Variants in GLRB observed in about 807,000 individuals in gnomAD.
The protein encoded by GLRB is glycine receptor beta, also known as glycine receptor subunit beta.
A neutral mutation model predicts 54.2 loss-of-function variants in GLRB; 33 were observed. That is an observed-to-expected ratio of 0.61 (90% CI 0.46 to 0.81). GLRB has a LOEUF of 0.81. Among genes scored for constraint, GLRB ranks in the 40% least tolerant of loss-of-function variants. GLRB has a pLI of 0.00. For missense variants in GLRB, 572 were observed against 584.6 expected (o/e 0.98, Z 0.22); for synonymous variants, 209 against 208.2 (o/e 1.00, Z -0.03).
chr4:157,086,239 T>TCC (rs1734409090), intron 2 of GLRB, among the ~76,000 whole-genome samples: 3 of 152,236 alleles, frequency 2.0e-5, no homozygotes, highest in Admixed American at 1.3e-4. Flanking sequence ...GCTTAATATA[T>TCC]CTAGGCTTTA....
At chr4:157,095,391 A>G (rs1734771987) in intron 2 of GLRB, among the ~76,000 whole-genome samples, 1 of 152,068 alleles carries the variant, frequency 6.6e-6, no homozygotes, top group South Asian at 2.1e-4. Flanking sequence ...GGAAAACAAG[A>G]GTTTAGTTCT....
intron 2 of GLRB, among the ~76,000 whole-genome samples, chr4:157,110,847 T>G (rs1018099085): frequency 6.6e-6 from 1 of 152,128 alleles, no homozygotes; most frequent in African/African-American, 2.4e-5. Flanking sequence ...CTGCCTTTTT[T>G]AAAGTGGCTC....
At chr4:157,106,494 G>A (rs1380777064) in intron 2 of GLRB, among the ~76,000 whole-genome samples, 3 of 152,252 alleles carry the variant, frequency 2.0e-5, no homozygotes, top group African/African-American at 7.2e-5. Context: ...ACTGAGTAGG[G>A]AAGATCTGCC....
At chr4:157,163,432 T>C (rs564266874) in intron 9 of GLRB, among the ~76,000 whole-genome samples, 12 of 152,272 alleles carry the variant, frequency 7.9e-5, no homozygotes, top group Admixed American at 2.6e-4. Context: ...GAGCTGTTCC[T>C]ATTTGGCCAT....
At chr4:157,088,537 A>T (rs1216169082) in intron 2 of GLRB, among the ~76,000 whole-genome samples, 5 of 151,962 alleles carry the variant, frequency 3.3e-5, no homozygotes, top group Non-Finnish European at 7.4e-5. Flanking sequence ...TCTGTCTTTT[A>T]TCTTGTTCCT....
intron 8 of GLRB, 100 bp from the exon 9 acceptor site, chr4:157,152,618 C>T: frequency 5.6e-6 from 5 of 896,780 alleles, no homozygotes; most frequent in Non-Finnish European, 9.4e-6. Flanking sequence ...GTTCATGGGT[C>T]ATTGGAAGTT....
chr4:157,098,821 T>A (rs192919114), intron 2 of GLRB, among the ~76,000 whole-genome samples: 4 of 152,058 alleles, frequency 2.6e-5, no homozygotes, highest in Non-Finnish European at 4.4e-5. Context: ...TTGGCCAGAC[T>A]GGCCTCGAAC....
At chr4:157,164,569 AT>A (rs1274965034) in intron 9 of GLRB, among the ~76,000 whole-genome samples, 2 of 152,166 alleles carry the variant, frequency 1.3e-5, no homozygotes, top group African/African-American at 4.8e-5. Context: ...TGGCTGGTAT[AT>A]TATAGGTCCT....
chr4:157,147,468 G>T (rs190253589), intron 8 of GLRB, among the ~76,000 whole-genome samples: 16 of 152,208 alleles, frequency 1.1e-4, no homozygotes, highest in Non-Finnish European at 1.8e-4. Context: ...AGAAGATGAG[G>T]GGGGGATTGG....
At chr4:157,142,409 T>A (rs1018340509) in intron 7 of GLRB, among the ~76,000 whole-genome samples, 2 of 152,154 alleles carry the variant, frequency 1.3e-5, no homozygotes, top group African/African-American at 4.8e-5. Context: ...CGAAAGCAAC[T>A]ATTTTTGTTA....
chr4:157,099,898 T>C (rs573449492), intron 2 of GLRB, among the ~76,000 whole-genome samples: 3 of 152,286 alleles, frequency 2.0e-5, no homozygotes, highest in African/African-American at 4.8e-5. Context: ...TTAATTTGCA[T>C]TTCCTTGATG....
At position 157,094,715 on chromosome 4, in the gene GLRB, A is replaced by G. The variant is rs77652770; in HGVS notation, c.122+16569A>G. ...CCCACCAGAATGGCTAAATGAAAGAAGAAGAGAATGTGAAGAACCACAATG... is the reference window on the plus strand; with the variant it reads ...CCCACCAGAATGGCTAAATGAAAGAGGAAGAGAATGTGAAGAACCACAATG... On this transcript the variant is annotated intron_variant, in intron 2 of 9. Coordinates refer to ENST00000264428, the MANE Select transcript of GLRB (RefSeq NM_000824.5). Among the ~76,000 whole-genome samples the G allele has an allele frequency of 7.8e-3, 1,190 of 152,344 alleles. 23 individuals are homozygous for G. In the East Asian group the frequency reaches 0.1, roughly 13 times the overall value.
At chr4:157,112,611 C>T (rs1176470936) in intron 2 of GLRB, among the ~76,000 whole-genome samples, 1 of 151,886 alleles carries the variant, frequency 6.6e-6, no homozygotes, top group Non-Finnish European at 1.5e-5. Context: ...GGGAGTAACG[C>T]AGGCTTAAAC....
At position 157,152,867 on chromosome 4, in the gene GLRB, G is replaced by A. The variant is rs764867861; in HGVS notation, c.1054G>A (p.Val352Met). Reference sequence around the variant, plus strand: ...CCTGGTGGAGTATGCAGTTGTCCAGGTGATGCTGAACAACCCCAAAAGGGT... The same window carrying A: ...CCTGGTGGAGTATGCAGTTGTCCAGATGATGCTGAACAACCCCAAAAGGGT... ...ASLVEYAVVQVMLNNPKRVEA... is the reference protein window; with the variant it reads ...ASLVEYAVVQMMLNNPKRVEA... The change falls in exon 9 of 10, where the codon GTG becomes ATG. Residue 352 changes from valine to methionine, a missense_variant. Transcript: ENST00000264428. The A allele has an allele frequency of 9.3e-6, 15 of 1,613,864 alleles. No homozygotes were observed. In the African/African-American group the frequency reaches 2.0e-4, roughly 22 times the overall value.
At chr4:157,082,884 A>G (rs1734271977) in intron 2 of GLRB, among the ~76,000 whole-genome samples, 1 of 151,846 alleles carries the variant, frequency 6.6e-6, no homozygotes, top group Non-Finnish European at 1.5e-5. Flanking sequence ...GGGTAAGTAT[A>G]GGATGAGGAA....
chr4:157,129,382 T>C (rs1268782701), intron 4 of GLRB, among the ~76,000 whole-genome samples: 1 of 151,762 alleles, frequency 6.6e-6, no homozygotes, highest in Non-Finnish European at 1.5e-5. Context: ...TATAAAGCAT[T>C]TGAAATGCCA....
At chr4:157,138,036 C>A (rs1437285284) in intron 6 of GLRB, among the ~76,000 whole-genome samples, 2 of 152,072 alleles carry the variant, frequency 1.3e-5, no homozygotes, top group African/African-American at 4.8e-5. Flanking sequence ...TATGGTGATG[C>A]AACTCCTTTA....
chr4:157,103,676 A>T (rs1735118881), intron 2 of GLRB, among the ~76,000 whole-genome samples: 1 of 152,074 alleles, frequency 6.6e-6, no homozygotes. Context: ...CAACCCATGA[A>T]CATGGGCTGT....
chr4:157,164,993 A>G (rs1737656234), intron 9 of GLRB, among the ~76,000 whole-genome samples: 1 of 152,152 alleles, frequency 6.6e-6, no homozygotes, highest in South Asian at 2.1e-4. Context: ...GAATTCTGAA[A>G]CTGCTGTGAC....
Sources: allele counts gnomAD v4.1 joint callset (sites outside exome capture counted in the v4.1 genomes callset), GRCh38; gene constraint gnomAD v4.1.1; transcripts MANE v1.5; gene names NCBI Gene and HGNC (gene_info 2026-07-23, HGNC 2026-07-21).